PRKN: variants seen among roughly 807,000 people sequenced by gnomAD.
The protein encoded by PRKN is E3 ubiquitin-protein ligase parkin.
Under a neutral mutation model 59.5 loss-of-function variants are expected in PRKN, and 56 were observed. The observed-to-expected ratio is 0.94, with a 90% confidence interval of 0.76 to 1.18. PRKN has a LOEUF of 1.18. PRKN is among the 50% of genes most tolerant of loss of function. The pLI is 0.00. For missense variants in PRKN, 657 were observed against 596.4 expected, an observed-to-expected ratio of 1.10 and a Z score of -1.06; for synonymous variants, 250 against 222.1, an observed-to-expected ratio of 1.13 and a Z score of -1.12.
chr6:161,716,676 G>A (rs186636849), intron 7 of PRKN, among the ~76,000 whole-genome samples: 53 of 152,192 alleles, frequency 3.5e-4, no homozygotes, highest in Admixed American at 2.7e-3. Flanking sequence ...GGCAGACAAG[G>A]CTTGAGAACA....
In PRKN at chr6:161,487,569, G is replaced by A. The variant is rs955113739; in HGVS notation, c.1083+61285C>T. Among the ~76,000 whole-genome samples the A allele has an allele frequency of 6.6e-6, 1 of 152,174 alleles. No individual in the cohort carries two copies. The highest frequency in any genetic ancestry group is 1.5e-5 in the Non-Finnish European group (1 of 68,038). On this transcript the variant is annotated intron_variant, in intron 9 of 11. Transcript: ENST00000366898. The surrounding 1 kb of genome is among the most constrained non-coding windows in gnomAD (Gnocchi z 5.3). ...CCATCTTATTCACATTTTGATGGTC[G>A]CTTAGGTAAACTAAGATCTATTTTA...
At chr6:162,561,702 T>C (rs1229625470) in intron 1 of PRKN, among the ~76,000 whole-genome samples, 1 of 152,202 alleles carries the variant, frequency 6.6e-6, no homozygotes, top group African/African-American at 2.4e-5. Context: ...AGTGTTGTCC[T>C]GTTACAGCAG....
At chr6:161,837,158 C>T (rs6939636) in intron 6 of PRKN, among the ~76,000 whole-genome samples, 26,747 of 151,988 alleles carry the variant, frequency 0.18, 2,607 homozygotes, top group South Asian at 0.31. Context: ...GCCTCCTCCC[C>T]CCTCATCAAT....
chr6:162,032,670 A>C (rs1436694052), intron 5 of PRKN, among the ~76,000 whole-genome samples: 21 of 152,222 alleles, frequency 1.4e-4, no homozygotes, highest in Admixed American at 1.4e-3. Flanking sequence ...GTAAAATGCC[A>C]AGGTTCTGCA....
chr6:161,874,163 TAATATATAA>T (rs1794504355), intron 6 of PRKN, among the ~76,000 whole-genome samples: 5 of 46,242 alleles, frequency 1.1e-4, no homozygotes, highest in Non-Finnish European at 1.7e-4. Flanking sequence ...ATATTATATA[TAATATATAA>T]TATATATTAT....
intron 7 of PRKN, among the ~76,000 whole-genome samples, chr6:161,621,218 T>C (rs938942677): frequency 2.0e-5 from 3 of 152,096 alleles, no homozygotes; most frequent in Non-Finnish European, 2.9e-5. Context: ...AAGATACATA[T>C]ATGAGGGGAG....
chr6:161,879,977 G>A (rs757227696), intron 6 of PRKN, among the ~76,000 whole-genome samples: 2 of 152,066 alleles, frequency 1.3e-5, no homozygotes, highest in Non-Finnish European at 2.9e-5. Flanking sequence ...CAGAATAAAG[G>A]AAATTCTGTC....
chr6:162,705,749 T>A (rs1031305139), intron 1 of PRKN, among the ~76,000 whole-genome samples: 6 of 152,182 alleles, frequency 3.9e-5, no homozygotes, highest in Non-Finnish European at 8.8e-5. Flanking sequence ...TAAGCCCCTA[T>A]TCTGTAACCC....
intron 7 of PRKN, among the ~76,000 whole-genome samples, chr6:161,629,209 G>T (rs1783204226): frequency 6.6e-6 from 1 of 152,120 alleles, no homozygotes; most frequent in East Asian, 1.9e-4. Flanking sequence ...TCAAAAATGG[G>T]ACCTGATCAG....
rs767585886 is a variant in PRKN at position 161,448,183 on chromosome 6, A to G, written c.1084-61306T>C. 1.3e-5 allele frequency among the ~76,000 whole-genome samples: 2 copies of G among 152,206 alleles called. No individual in the cohort carries two copies. Among genetic ancestry groups the G allele is most frequent in the Admixed American group, 1.3e-4 (2 of 15,290 alleles). ...CGCCTCCCTTTTGCCTCCATAAAAG[A>G]TCTTCACTTTTCCCCACACCGTAAT... On this transcript the variant is annotated intron_variant, in intron 9 of 11. Transcript: ENST00000366898. This position sits in a 1 kb window ranked among gnomAD's most constrained non-coding sequence, Gnocchi z 5.1.
Position 161,417,995 on chromosome 6 carries a change from G to A in PRKN, c.1084-31118C>T, listed in dbSNP as rs1787929948. Among the ~76,000 whole-genome samples, 1 of 152,178 alleles carries A rather than the reference G, an allele frequency of 6.6e-6. No homozygotes were observed. The highest frequency in any genetic ancestry group is 6.5e-5 in the Admixed American group (1 of 15,280). On this transcript the variant is annotated intron_variant, in intron 9 of 11. Transcript: ENST00000366898. The surrounding 1 kb of genome is among the most constrained non-coding windows in gnomAD (Gnocchi z 5.4). Reference sequence around the variant, plus strand: ...CCTCCTGGGCCTGGCCCCCAGGCCTGGCTGACTCCATGGGGGGCCTGGCAG... The same window carrying A: ...CCTCCTGGGCCTGGCCCCCAGGCCTAGCTGACTCCATGGGGGGCCTGGCAG...
At position 162,727,688 on chromosome 6, in the gene PRKN, G is replaced by A. The variant is rs1392354351; in HGVS notation, c.-20C>T. 4 of 1,572,020 alleles carry A rather than the reference G, an allele frequency of 2.5e-6. No individual in the cohort carries two copies. The highest frequency in any genetic ancestry group is 1.2e-5 in the South Asian group (1 of 85,812). ...TATCATGGTCACTGGGTAGGTGGCG[G>A]CTGCGGGCCAGGAACAGGCCCATGC... On this transcript the variant is annotated 5_prime_UTR_variant, in exon 1 of 12. Transcript: ENST00000366898.
At chr6:162,672,645 CTTTA>C in intron 1 of PRKN, among the ~76,000 whole-genome samples, 1 of 151,330 alleles carries the variant, frequency 6.6e-6, no homozygotes, top group East Asian at 1.9e-4. Flanking sequence ...ATTCTTTTCT[CTTTA>C]TTTTATGCAT....
At chr6:162,000,217 C>A (rs186384374) in intron 5 of PRKN, among the ~76,000 whole-genome samples, 4 of 152,118 alleles carry the variant, frequency 2.6e-5, no homozygotes, top group Non-Finnish European at 4.4e-5. Flanking sequence ...TAAAAAACTG[C>A]CAGACTGTCT....
At chr6:162,721,633 T>C (rs1023248505) in intron 1 of PRKN, among the ~76,000 whole-genome samples, 2 of 152,184 alleles carry the variant, frequency 1.3e-5, no homozygotes, top group Non-Finnish European at 2.9e-5. Flanking sequence ...CCAAGCTCTA[T>C]AGGCTGAGTT....
At chr6:162,010,255 T>TATATATTTTATATATATTATGTATGATAA (rs1303985052) in intron 5 of PRKN, among the ~76,000 whole-genome samples, 1 of 124,406 alleles carries the variant, frequency 8.0e-6, no homozygotes, top group Non-Finnish European at 1.7e-5. Context: ...TTATACATAA[T>TATATATTTTATATATATTATGTATGATAA]ATATATTTTA....
At chr6:162,102,958 G>A (rs1321827520) in intron 4 of PRKN, among the ~76,000 whole-genome samples, 4 of 151,302 alleles carry the variant, frequency 2.6e-5, no homozygotes, top group Non-Finnish European at 5.9e-5. Flanking sequence ...CAGGAGAATG[G>A]CGTGAACCCG....
chr6:162,389,022 A>AAC (rs386409192), intron 2 of PRKN, among the ~76,000 whole-genome samples: 7 of 151,542 alleles, frequency 4.6e-5, no homozygotes, highest in African/African-American at 7.3e-5. Flanking sequence ...AAAAAAAAAA[A>AAC]AACAAAAAAA....
At chr6:161,937,798 CT>C (rs1779412006) in intron 6 of PRKN, among the ~76,000 whole-genome samples, 1 of 152,128 alleles carries the variant, frequency 6.6e-6, no homozygotes, top group Admixed American at 6.5e-5. Context: ...ATTCCATTTT[CT>C]AGATATATGA....
Sources: gnomAD v4.1 joint callset for allele counts (sites outside exome capture counted in the v4.1 genomes callset) on GRCh38, gnomAD v4.1.1 for gene constraint, Gnocchi (gnomAD v3.1) non-coding constraint, MANE v1.5 for transcripts, NCBI Gene and HGNC (gene_info 2026-07-23, HGNC 2026-07-21) for gene names.